Variants in TNS1 observed in about 807,000 individuals in gnomAD.
TNS1 encodes the protein tensin-1.
TNS1 carries 62 observed loss-of-function variants against 168.6 expected under a neutral mutation model. The ratio of observed to expected loss-of-function variants is 0.37; its 90% CI spans 0.30 to 0.45. TNS1 has a LOEUF of 0.45. TNS1 is among the 20% of genes least tolerant of loss of function. The pLI is 1.00. For missense variants in TNS1, 2,240 were observed against 2,339.4 expected, an observed-to-expected ratio of 0.96 and a Z score of 0.88; for synonymous variants, 934 against 933.2, an observed-to-expected ratio of 1.00 and a Z score of -0.02.
intron 4 of TNS1, 48 bp downstream of exon 4, chr2:217,920,147 G>T (rs1430441316): frequency 1.4e-6 from 1 of 702,880 alleles, no homozygotes; most frequent in African/African-American, 1.7e-5. Flanking sequence ...GGGAGCTGCG[G>T]AGGGAGAGGA....
chr2:217,859,473 A>T, intron 18 of TNS1: 1 of 623,644 alleles, frequency 1.6e-6, no homozygotes, highest in South Asian at 1.9e-5. Flanking sequence ...AGGTGAACAC[A>T]GGACCTGAAT....
intron 24 of TNS1, chr2:217,815,231 A>G (rs1941698410): frequency 5.8e-6 from 3 of 519,050 alleles, no homozygotes; most frequent in Middle Eastern, 5.1e-4. Flanking sequence ...CACAGGGGAG[A>G]GCACCATGGA....
intron 3 of TNS1, among the ~76,000 whole-genome samples, chr2:217,923,050 C>A (rs1045336336): frequency 2.0e-5 from 3 of 152,180 alleles, no homozygotes; most frequent in Admixed American, 6.5e-5. Context: ...GAGCCAGGGC[C>A]CCCTGCCACT....
chr2:217,810,019 C>T (rs774768776), intron 29 of TNS1, 28 bp from the exon 30 acceptor site: 2 of 1,606,132 alleles, frequency 1.2e-6, no homozygotes, highest in South Asian at 2.2e-5. Context: ...AAGGGGGAGT[C>T]ATGGGAGCTG....
chr2:217,826,846 CCG>C (rs1192748362), intron 22 of TNS1, among the ~76,000 whole-genome samples: 4 of 152,182 alleles, frequency 2.6e-5, no homozygotes, highest in African/African-American at 7.2e-5. Flanking sequence ...TTGGGCTCCT[CCG>C]GTCTGGCACT....
intron 18 of TNS1, among the ~76,000 whole-genome samples, chr2:217,856,999 C>T (rs1220233688): frequency 6.6e-6 from 1 of 152,122 alleles, no homozygotes; most frequent in African/African-American, 2.4e-5. Flanking sequence ...GCCACCTTCC[C>T]ATTCTGCTGA....
upstream of TNS1, among the ~76,000 whole-genome samples, chr2:218,004,761 AGCTCTGGG>A (rs368617599): frequency 3.5e-3 from 530 of 152,220 alleles, 5 homozygotes; most frequent in African/African-American, 0.012. Flanking sequence ...AGTCCTCCAG[AGCTCTGGG>A]GCTGGGAAAG....
chr2:217,959,698 C>A (rs1420465072), intron 3 of TNS1, among the ~76,000 whole-genome samples: 2 of 152,160 alleles, frequency 1.3e-5, no homozygotes, highest in Non-Finnish European at 2.9e-5. Flanking sequence ...TATGGACTAT[C>A]CCACCCAATG....
chr2:217,978,288 T>G (rs1957943745), intron 3 of TNS1, among the ~76,000 whole-genome samples: 1 of 152,188 alleles, frequency 6.6e-6, no homozygotes, highest in African/African-American at 2.4e-5. Context: ...TCCGACCTCA[T>G]TCTCCATTTA....
intron 18 of TNS1, among the ~76,000 whole-genome samples, chr2:217,869,351 C>T (rs1425024054): frequency 6.6e-6 from 1 of 152,220 alleles, no homozygotes; most frequent in African/African-American, 2.4e-5. Flanking sequence ...TCTGAAAAGG[C>T]AGGGAGGAGC....
chr2:217,914,782 C>T (rs1357860006), intron 4 of TNS1, among the ~76,000 whole-genome samples: 2 of 152,244 alleles, frequency 1.3e-5, no homozygotes, highest in Non-Finnish European at 2.9e-5. Context: ...CCGCATCCAG[C>T]CTAAATGCTG....
At chr2:217,925,216 C>A (rs1553614323) in intron 3 of TNS1, among the ~76,000 whole-genome samples, 3 of 151,052 alleles carry the variant, frequency 2.0e-5, no homozygotes, top group South Asian at 2.1e-4. Context: ...GTAAATAAAT[C>A]TTTTTTTTGT....
chr2:217,949,146 C>G (rs1290776014), intron 3 of TNS1, among the ~76,000 whole-genome samples: 1 of 152,200 alleles, frequency 6.6e-6, no homozygotes, highest in Non-Finnish European at 1.5e-5. Flanking sequence ...GACTCAGCCT[C>G]CAACGCCCTT....
intron 3 of TNS1, among the ~76,000 whole-genome samples, chr2:217,959,837 G>A (rs986035510): frequency 6.6e-6 from 1 of 151,876 alleles, no homozygotes; most frequent in African/African-American, 2.4e-5. Context: ...AGAGGGGCAA[G>A]TGGGGGCCTC....
At chr2:217,819,088 A>G (rs1942407276) in intron 23 of TNS1, among the ~76,000 whole-genome samples, 1 of 152,210 alleles carries the variant, frequency 6.6e-6, no homozygotes, top group Non-Finnish European at 1.5e-5. Context: ...GCCCTCTCCT[A>G]TCGAAACTGG....
chr2:217,893,400 GCACACACACACA>G (rs55877465), intron 10 of TNS1, 27 bp downstream of exon 10: 11 of 1,461,502 alleles, frequency 7.5e-6, no homozygotes, highest in Non-Finnish European at 1.0e-5. Context: ...GTGCGCGCGC[GCACACACACACA>G]CACACACACA....
intron 1 of TNS1, among the ~76,000 whole-genome samples, chr2:217,997,101 C>G (rs1460166073): frequency 6.6e-6 from 1 of 152,146 alleles, no homozygotes; most frequent in East Asian, 1.9e-4. Flanking sequence ...GGGCCTGATT[C>G]AAACCTCATC....
intron 18 of TNS1, among the ~76,000 whole-genome samples, chr2:217,852,550 A>T (rs1947647513): frequency 6.6e-6 from 1 of 152,216 alleles, no homozygotes; most frequent in Non-Finnish European, 1.5e-5. Context: ...ATCAGAAAGC[A>T]CATAGGCCCC....
intron 6 of TNS1, among the ~76,000 whole-genome samples, chr2:217,904,167 C>T (rs1953377473): frequency 6.6e-6 from 1 of 152,162 alleles, no homozygotes; most frequent in African/African-American, 2.4e-5. Context: ...CCTTCAGCCA[C>T]ACCCCTTCCC....
Sources: allele counts gnomAD v4.1 joint callset (sites outside exome capture counted in the v4.1 genomes callset), GRCh38; gene constraint gnomAD v4.1.1; transcripts MANE v1.5; gene names NCBI Gene and HGNC (gene_info 2026-07-23, HGNC 2026-07-21).